MBD5: variants seen among roughly 807,000 people sequenced by gnomAD.
MBD5 encodes methyl-CpG-binding domain protein 5.
In MBD5, 13 loss-of-function variants were observed where a neutral mutation model predicts 117.3. The observed-to-expected ratio is 0.11, with a 90% CI of 0.07 to 0.18. MBD5 has a LOEUF of 0.18. MBD5 is among the 10% of genes least tolerant of loss of function. The pLI, the probability that MBD5 is intolerant of heterozygous loss-of-function variation, is 1.00. For missense variants in MBD5, 1,879 were observed against 2,093.8 expected (o/e 0.90, Z 2.00); for synonymous variants, 727 against 766.4 (o/e 0.95, Z 0.85).
At chr2:148,439,023 A>T (rs1240886125) in intron 4 of MBD5, among the ~76,000 whole-genome samples, 1 of 152,132 alleles carries the variant, frequency 6.6e-6, no homozygotes, top group Non-Finnish European at 1.5e-5. Context: ...ACCTCTTATC[A>T]ACCTGGCACC....
intron 11 of MBD5, among the ~76,000 whole-genome samples, chr2:148,499,694 T>C (rs1394864351): frequency 6.6e-6 from 1 of 152,206 alleles, no homozygotes; most frequent in Non-Finnish European, 1.5e-5. Context: ...GATTTCCTGG[T>C]CCTTTTTAAA....
intron 3 of MBD5, among the ~76,000 whole-genome samples, chr2:148,274,717 G>GT (rs199569391): frequency 0.018 from 1,955 of 109,758 alleles, 40 homozygotes; most frequent in Middle Eastern, 0.044. Context: ...AATTAATTGA[G>GT]TTTTTTTGTT....
chr2:148,446,199 C>T lies in MBD5; in HGVS notation c.-556-12004C>T, dbSNP rs374056026. Among the ~76,000 whole-genome samples the T allele has an allele frequency of 1.4e-3, 218 of 151,222 alleles. 2 individuals are homozygous for T. Among genetic ancestry groups the T allele is most frequent in the South Asian group, 6.4e-3 (31 of 4,814 alleles). ...TGCTTTCGGTGTTTTAGACATGAAG[C>T]CCTTGCCCACGCCTATGTCCTGAAT... On this transcript the variant is annotated intron_variant, in intron 4 of 13. Transcript: ENST00000642680.
chr2:148,324,625 G>A (rs1482703429), intron 3 of MBD5, among the ~76,000 whole-genome samples: 2 of 151,684 alleles, frequency 1.3e-5, no homozygotes, highest in African/African-American at 2.4e-5. Flanking sequence ...TCATGATTTG[G>A]CTCTCTGTTT....
intron 4 of MBD5, among the ~76,000 whole-genome samples, chr2:148,456,257 G>A (rs1050586754): frequency 6.6e-6 from 1 of 152,184 alleles, no homozygotes; most frequent in Non-Finnish European, 1.5e-5. Context: ...GGCAGATCCA[G>A]TGTCTGGTAA....
intron 3 of MBD5, among the ~76,000 whole-genome samples, chr2:148,266,324 G>A (rs981459838): frequency 6.6e-6 from 1 of 151,978 alleles, no homozygotes; most frequent in Non-Finnish European, 1.5e-5. Context: ...TACATTAAAA[G>A]CATTCAATAA....
chr2:148,451,223 T>C (rs1706717788), intron 4 of MBD5, among the ~76,000 whole-genome samples: 1 of 152,080 alleles, frequency 6.6e-6, no homozygotes. Flanking sequence ...GGCAGAGTTA[T>C]TGGATCGCTT....
chr2:148,188,710 A>C (rs138195773), intron 2 of MBD5, among the ~76,000 whole-genome samples: 4,148 of 149,774 alleles, frequency 0.028, 85 homozygotes, highest in Non-Finnish European at 0.046. Flanking sequence ...AAAATCAATC[A>C]TTTCAAAAGA....
In MBD5 at chr2:148,208,328, T is replaced by G. The variant is rs1699335135; in HGVS notation, c.-830-24917T>G. 6.6e-5 allele frequency among the ~76,000 whole-genome samples: 10 copies of G among 152,294 alleles called. No individual in the cohort carries two copies. In the South Asian group the frequency reaches 2.1e-3, roughly 32 times the overall value. On this transcript the variant is annotated intron_variant, in intron 2 of 13. Transcript: ENST00000642680. ...GTGCAGTGGCATGATCTCAGCTCAC[T>G]GCAACCCCTGCCTCCCAGGTTCTAG...
At chr2:148,304,416 A>T (rs946732111) in intron 3 of MBD5, among the ~76,000 whole-genome samples, 14 of 150,324 alleles carry the variant, frequency 9.3e-5, no homozygotes, top group African/African-American at 2.2e-4. Flanking sequence ...TCTCAATATA[A>T]AAAAAAAAGT....
chr2:148,468,280 C>G (rs1313642664), intron 7 of MBD5, 61 bp from the exon 8 acceptor site: 3 of 1,418,232 alleles, frequency 2.1e-6, no homozygotes, highest in Non-Finnish European at 3.0e-6. Flanking sequence ...TTCCTTCCCT[C>G]CCTCCCACCA....
intron 3 of MBD5, among the ~76,000 whole-genome samples, chr2:148,234,334 TAA>T (rs1206451626): frequency 2.6e-5 from 4 of 152,180 alleles, no homozygotes; most frequent in Non-Finnish European, 4.4e-5. Context: ...GTCTGCTTTT[TAA>T]GTTTCACATA....
intron 4 of MBD5, among the ~76,000 whole-genome samples, chr2:148,367,278 A>G (rs1465063596): frequency 2.0e-5 from 3 of 152,240 alleles, no homozygotes; most frequent in Admixed American, 2.0e-4. Context: ...AGCCATATGC[A>G]GAAAACAGAA....
chr2:148,361,184 T>C lies in MBD5; in HGVS notation c.-557+18848T>C, dbSNP rs548200614. ...GGCCAACATTGTGAAACCCAATCTC[T>C]ACTAAAAATACAAAAATTAGCCAGG... On this transcript the variant is annotated intron_variant, in intron 4 of 13. Coordinates refer to ENST00000642680, the MANE Select transcript of MBD5 (RefSeq NM_001378120.1). Among the ~76,000 whole-genome samples, 6 of 152,246 alleles carry C rather than the reference T, an allele frequency of 3.9e-5. No homozygotes were observed. The South Asian group carries it at 8.3e-4, about 21-fold the overall frequency.
intron 3 of MBD5, among the ~76,000 whole-genome samples, chr2:148,332,113 A>AT (rs542189955): frequency 1.3e-5 from 2 of 151,834 alleles, no homozygotes; most frequent in East Asian, 1.9e-4. Context: ...CTACTTCTTG[A>AT]TTTTTTTTCA....
At chr2:148,089,428 A>C (rs1320548393) in intron 1 of MBD5, among the ~76,000 whole-genome samples, 1 of 152,144 alleles carries the variant, frequency 6.6e-6, no homozygotes, top group East Asian at 1.9e-4. Flanking sequence ...ATTCTCCGTG[A>C]TAGACCATAC....
At chr2:148,463,682 T>A (rs1707169202) in intron 6 of MBD5, 57 bp from the exon 7 acceptor site, 1 of 1,583,772 alleles carries the variant, frequency 6.3e-7, no homozygotes, top group Non-Finnish European at 8.7e-7. Flanking sequence ...AACAAAGGGA[T>A]CTTTTTATTA....
intron 2 of MBD5, among the ~76,000 whole-genome samples, chr2:148,213,560 C>T (rs563961351): frequency 2.0e-5 from 3 of 152,156 alleles, no homozygotes; most frequent in South Asian, 2.1e-4. Context: ...ATTTAAGTTG[C>T]CGCATCAAAA....
intron 3 of MBD5, among the ~76,000 whole-genome samples, chr2:148,303,231 A>G (rs1435628271): frequency 6.6e-6 from 1 of 152,216 alleles, no homozygotes; most frequent in Non-Finnish European, 1.5e-5. Context: ...GTTAATTAGT[A>G]TATTCAAGCC....
Sources: allele counts gnomAD v4.1 joint callset (sites outside exome capture counted in the v4.1 genomes callset), GRCh38; gene constraint gnomAD v4.1.1; transcripts MANE v1.5; gene names NCBI Gene and HGNC (gene_info 2026-07-23, HGNC 2026-07-21).